DLG4: variants seen among roughly 807,000 people sequenced by gnomAD.
DLG4 encodes discs large MAGUK scaffold protein 4.
A neutral mutation model predicts 93.8 loss-of-function variants in DLG4; 7 were observed. The observed-to-expected ratio is 0.07, with a 90% CI of 0.04 to 0.14. DLG4 has a LOEUF of 0.14. DLG4 is among the 10% of genes least tolerant of loss of function. The pLI, the probability that DLG4 is intolerant of heterozygous loss-of-function variation, is 1.00. For missense variants in DLG4, 545 were observed against 992.9 expected (o/e 0.55, Z 6.06); for synonymous variants, 341 against 387.6 (o/e 0.88, Z 1.41).
In DLG4 at chr17:7,210,829, A is replaced by G. The variant is rs140957850; in HGVS notation, c.31-2590T>C. 3.4e-4 allele frequency among the ~76,000 whole-genome samples: 52 copies of G among 152,266 alleles called. No individual in the cohort carries two copies. In the East Asian group the frequency reaches 6.8e-3, roughly 20 times the overall value. ...GAGGAGGAAATGTCAGCGTGCACCC[A>G]AAGAAAATGGAAACATGAGGAGGGC... On this transcript the variant is annotated intron_variant, in intron 1 of 19. Coordinates refer to ENST00000399506, the MANE Select transcript of DLG4 (RefSeq NM_001321075.3).
In DLG4 at chr17:7,191,523, C is replaced by T. The variant is rs1289723248; in HGVS notation, c.1977-165G>A. The stretch of plus-strand genomic sequence containing the variant: ...GGCCACAGATGAGAACCACCCCCCA[C>T]CCCCCTGCCACCCGCAACCGCCCCA... On this transcript the variant is annotated intron_variant, in intron 18 of 19. Transcript: ENST00000399506. This position sits in a 1 kb window ranked among gnomAD's most constrained non-coding sequence, Gnocchi z 6.6. 1.7e-5 allele frequency: 11 copies of T among 651,978 alleles called. No homozygotes were observed. The highest frequency in any genetic ancestry group is 2.9e-5 in the Non-Finnish European group (11 of 376,554). 40.4% of individuals were successfully genotyped at this position (651,978 alleles called of 1,614,324 possible).
Position 7,207,894 on chromosome 17 carries a change from T to C in DLG4, c.96+280A>G, listed in dbSNP as rs985059221. Among the ~76,000 whole-genome samples, 5 of 152,028 alleles carry C rather than the reference T, an allele frequency of 3.3e-5. No individual in the cohort carries two copies. The East Asian group carries it at 9.7e-4, about 29-fold the overall frequency. On this transcript the variant is annotated intron_variant, in intron 2 of 19. Coordinates refer to ENST00000399506, the MANE Select transcript of DLG4 (RefSeq NM_001321075.3). Reference sequence around the variant, plus strand: ...CTGTTTCTCCTCTGTGGGACCAAGGTGTTTCCAGCCCCACAAACGCCCCCT... The same window carrying C: ...CTGTTTCTCCTCTGTGGGACCAAGGCGTTTCCAGCCCCACAAACGCCCCCT...
chr17:7,203,834 A>G lies in DLG4; in HGVS notation c.211-18T>C. The G allele has an allele frequency of 6.2e-7, 1 of 1,613,040 alleles. No individual in the cohort carries two copies. Among genetic ancestry groups the G allele is most frequent in the Non-Finnish European group, 8.5e-7 (1 of 1,179,516 alleles). On this transcript the variant is annotated intron_variant, in intron 4 of 19. Coordinates refer to ENST00000399506, the MANE Select transcript of DLG4 (RefSeq NM_001321075.3). This position sits in a 1 kb window ranked among gnomAD's most constrained non-coding sequence, Gnocchi z 7.2. ...GAGTTACCCTGGGTGAAGGAGGGGA[A>G]GAGGGTCAGCTCCCCTCACTGCCCA...
rs1273372571 is a variant in DLG4 at position 7,187,553 on chromosome 17, T to TAAG, written c.*3154_*3155insCTT. 6.7e-6 allele frequency among the ~76,000 whole-genome samples: 1 copy of TAAG among 149,496 alleles called. No individual in the cohort carries two copies. The highest frequency in any genetic ancestry group is 6.7e-5 in the Admixed American group (1 of 14,940). On this transcript the variant is annotated 3_prime_UTR_variant, in exon 20 of 20. Coordinates refer to ENST00000399506, the MANE Select transcript of DLG4 (RefSeq NM_001321075.3). ...AAGAGCGAAACTCTGTCTCCAATAATAATAATAATAATAATAATAATAATA... is the reference window on the plus strand; with the variant it reads ...AAGAGCGAAACTCTGTCTCCAATAATAAGAATAATAATAATAATAATAATAATA...
At chr17:7,192,818 T>C (rs1471172667) in intron 17 of DLG4, 127 bp downstream of exon 17, 4 of 1,004,784 alleles carry the variant, frequency 4.0e-6, no homozygotes, top group East Asian at 5.5e-5. Flanking sequence ...GAGAAGGAGG[T>C]GGAGGAGCGG....
Position 7,196,510 on chromosome 17 carries a change from A to T in DLG4, c.1149T>A (p.Gly383=), listed in dbSNP as rs776703827. 5.0e-6 allele frequency: 8 copies of T among 1,613,716 alleles called. No homozygotes were observed. In the African/African-American group the frequency reaches 1.1e-4, roughly 22 times the overall value. The change falls in exon 10 of 20, where the codon GGT becomes GGA. Residue 383 remains glycine, a synonymous_variant. Transcript: ENST00000399506. The surrounding 1 kb of genome is among the most constrained non-coding windows in gnomAD (Gnocchi z 8.3). ...ACTGAGCGATGATCGTGACCGTCTG[A>T]CCCGCATTCTTCAGGGCAATGGCAG... The part of the protein sequence containing the change: ...EQAAIALKNA[G]QTVTIIAQYK...
upstream of DLG4, chr17:7,219,229 G>T (rs574665928): frequency 3.5e-3 from 1,190 of 336,260 alleles, 4 homozygotes; most frequent in Non-Finnish European, 4.9e-3. Context: ...GAGAAGTTGG[G>T]GTTTTACGGG....
intron 1 of DLG4, among the ~76,000 whole-genome samples, chr17:7,216,864 G>C (rs999455124): frequency 6.6e-6 from 1 of 150,754 alleles, no homozygotes; most frequent in Non-Finnish European, 1.5e-5. Flanking sequence ...CCCCAAACCC[G>C]CCAGGCCCCC....
rs2069351508 is a variant in DLG4 at position 7,188,389 on chromosome 17, T to C, written c.*2319A>G. Among the ~76,000 whole-genome samples, 1 of 152,192 alleles carries C rather than the reference T, an allele frequency of 6.6e-6. No homozygotes were observed. The highest frequency in any genetic ancestry group is 2.4e-5 in the African/African-American group (1 of 41,444). The stretch of plus-strand genomic sequence containing the variant: ...GGAGTGGCTACAAAAAATGCCCTTT[T>C]GCACTGTTTGGGATTTAACCACCAT... On this transcript the variant is annotated 3_prime_UTR_variant, in exon 20 of 20. Transcript: ENST00000399506.
At chr17:7,218,297 A>C (rs776098003), upstream of DLG4, 5 of 1,606,022 alleles carry the variant, frequency 3.1e-6, no homozygotes, top group Non-Finnish European at 4.3e-6. Context: ...ACAGGAACAG[A>C]ACTGAGTTAC....
In DLG4 at chr17:7,194,263, G is replaced by T; in HGVS notation, c.1478+56C>A. The T allele has an allele frequency of 6.4e-7, 1 of 1,556,534 alleles. No homozygotes were observed. The highest frequency in any genetic ancestry group is 1.2e-5 in the South Asian group (1 of 83,922). On this transcript the variant is annotated intron_variant, in intron 12 of 19. Transcript: ENST00000399506. This position sits in a 1 kb window ranked among gnomAD's most constrained non-coding sequence, Gnocchi z 4.4. ...CCCCTGTTGGCTGCCCACCCCGGGGGACCTTGGGAACTTCAGTGCCTGTGG... is the reference window on the plus strand; with the variant it reads ...CCCCTGTTGGCTGCCCACCCCGGGGTACCTTGGGAACTTCAGTGCCTGTGG...
At chr17:7,211,925 C>T (rs1378139596) in intron 1 of DLG4, among the ~76,000 whole-genome samples, 1 of 150,598 alleles carries the variant, frequency 6.6e-6, no homozygotes, top group Non-Finnish European at 1.5e-5. Context: ...CCCTGGTTCA[C>T]GCTGTTTCTC....
rs1366248917 is a variant in DLG4, at chr17:7,203,880, G to C, written c.211-64C>G. On this transcript the variant is annotated intron_variant, in intron 4 of 19. Transcript: ENST00000399506. This position sits in a 1 kb window ranked among gnomAD's most constrained non-coding sequence, Gnocchi z 7.2. ...GCCCAAGTCTGGCAAGGCAAGTGGG[G>C]TGGGAAATGGCTTGGAGCAGCCAGA... The C allele has an allele frequency of 6.2e-7, 1 of 1,600,796 alleles. No individual in the cohort carries two copies. Among genetic ancestry groups the C allele is most frequent in the Non-Finnish European group, 8.5e-7 (1 of 1,173,658 alleles).
At position 7,203,199 on chromosome 17, in the gene DLG4, G is replaced by T; in HGVS notation, c.636C>A (p.Ile212=). The change falls in exon 7 of 20, where the codon ATC becomes ATA. Residue 212 remains isoleucine (I), a synonymous_variant. Coordinates refer to ENST00000399506, the MANE Select transcript of DLG4 (RefSeq NM_001321075.3). This position sits in a 1 kb window ranked among gnomAD's most constrained non-coding sequence, Gnocchi z 7.2. Reference sequence around the variant, plus strand: ...GGCTAGATGGAGTCCTCACCGCCAGGATCTTGTCTCCAATCTGCAACCTCC... The same window carrying T: ...GGCTAGATGGAGTCCTCACCGCCAGTATCTTGTCTCCAATCTGCAACCTCC... ...KDGRLQIGDK[I]LAVNSVGLED... 1 of 1,599,342 alleles carries T rather than the reference G, an allele frequency of 6.3e-7. No homozygotes were observed. The highest frequency in any genetic ancestry group is 2.2e-5 in the East Asian group (1 of 44,510).
chr17:7,218,640 C>G (rs759282824), upstream of DLG4: 10 of 1,559,620 alleles, frequency 6.4e-6, no homozygotes, highest in Non-Finnish European at 8.7e-6. Context: ...GACCTGGGAG[C>G]TAGTGAGATG....
In DLG4 at chr17:7,208,137, T is replaced by C; in HGVS notation, c.96+37A>G. The C allele has an allele frequency of 7.6e-7, 1 of 1,319,790 alleles. No homozygotes were observed. The highest frequency in any genetic ancestry group is 9.8e-7 in the Non-Finnish European group (1 of 1,024,736). The allele number at this position is 1,319,790 out of a possible 1,614,324, so 81.8% of individuals were successfully genotyped here. On this transcript the variant is annotated intron_variant, in intron 2 of 19. Transcript: ENST00000399506. The surrounding 1 kb of genome is among the most constrained non-coding windows in gnomAD (Gnocchi z 5.4). ...TGGCCAGCCTCGAGGTGGGACAAGT[T>C]CCTCTCCGCCACGTGCACCAGCTCG...
chr17:7,190,353 CCT>C lies in DLG4; in HGVS notation c.*353_*354del, dbSNP rs1323149554. 4.2e-5 allele frequency: 13 copies of C among 306,906 alleles called. No individual in the cohort carries two copies. Among genetic ancestry groups the C allele is most frequent in the Non-Finnish European group, 6.9e-5 (11 of 159,576 alleles). The allele number at this position is 306,906 out of a possible 1,614,324, so 19.0% of individuals were successfully genotyped here. ...TGCAGCGGGTGCTCCTCGAGGGGGC[CCT>C]GACTTCTGGAATGTGTGTGGGAGAG... On this transcript the variant is annotated 3_prime_UTR_variant, in exon 20 of 20. Transcript: ENST00000399506.
chr17:7,193,849 G>A lies in DLG4; in HGVS notation c.1538C>T (p.Ser513Leu), dbSNP rs376874609. The A allele has an allele frequency of 1.9e-6, 3 of 1,612,832 alleles. No individual in the cohort carries two copies. The highest frequency in any genetic ancestry group is 2.5e-6 in the Non-Finnish European group (3 of 1,179,422). ...CCCGAACTAACCCTACCTACCCTGCGATCCAGAGCTGGAGCCCCAGTCCTA... is the reference window on the plus strand; with the variant it reads ...CCCGAACTAACCCTACCTACCCTGCAATCCAGAGCTGGAGCCCCAGTCCTA... ...KAKDWGSSSG[S>L]QGREDSVLSY... is the part of the protein sequence containing the mutation. Residue 513 changes from serine to leucine, a missense_variant, in exon 14 of 20, where the codon TCG (serine) becomes TTG (leucine). Transcript: ENST00000399506. The surrounding 1 kb of genome is among the most constrained non-coding windows in gnomAD (Gnocchi z 6.7).
intron 1 of DLG4, chr17:7,211,602 T>C (rs2070707634): frequency 1.4e-5 from 10 of 735,886 alleles, no homozygotes; most frequent in Middle Eastern, 6.7e-4. Context: ...TGCACCCTGA[T>C]ATTTGCGGGG....
Sources: gnomAD v4.1 joint callset for allele counts (sites outside exome capture counted in the v4.1 genomes callset) on GRCh38, gnomAD v4.1.1 for gene constraint, Gnocchi (gnomAD v3.1) non-coding constraint, MANE v1.5 for transcripts, NCBI Gene and HGNC (gene_info 2026-07-23, HGNC 2026-07-21) for gene names.